PDE4D: variants seen among roughly 807,000 people sequenced by gnomAD.
PDE4D encodes the protein phosphodiesterase 4D.
Under a neutral mutation model 87.4 loss-of-function variants are expected in PDE4D, and 24 were observed. The ratio of observed to expected loss-of-function variants is 0.27; its 90% CI spans 0.20 to 0.39. PDE4D has a LOEUF of 0.39. PDE4D is among the 10% of genes least tolerant of loss of function. The probability of loss-of-function intolerance (pLI) is 1.00; values close to 1 mark genes in which losing one functional copy is unlikely to be tolerated. For synonymous variants in PDE4D, 384 were observed against 383.2 expected (o/e 1.00, Z -0.02); for missense variants, 714 against 1,041.0 (o/e 0.69, Z 4.32).
chr5:60,178,902 T>C (rs555578177), intron 2 of PDE4D, among the ~76,000 whole-genome samples: 137 of 152,278 alleles, frequency 9.0e-4, no homozygotes, highest in Middle Eastern at 3.4e-3. Flanking sequence ...CCATTTGGTA[T>C]ACAGTTCCGT....
At chr5:58,993,831 G>A (rs897556322) in intron 6 of PDE4D, among the ~76,000 whole-genome samples, 1 of 152,066 alleles carries the variant, frequency 6.6e-6, no homozygotes, top group African/African-American at 2.4e-5. Flanking sequence ...GGGAAAATCA[G>A]GAGAAATAAG....
intron 1 of PDE4D, among the ~76,000 whole-genome samples, chr5:59,289,829 G>A (rs2153554530): frequency 6.6e-6 from 1 of 152,056 alleles, no homozygotes; most frequent in East Asian, 1.9e-4. Context: ...ATTCAGCAAA[G>A]TTGTAGGATA....
chr5:60,082,429 T>G (rs143665672), intron 2 of PDE4D, among the ~76,000 whole-genome samples: 2 of 152,298 alleles, frequency 1.3e-5, no homozygotes, highest in East Asian at 3.9e-4. Flanking sequence ...AGATAAATGT[T>G]TGTTGCTTAA....
At chr5:59,792,455 A>T (rs1344319674) in intron 1 of PDE4D, among the ~76,000 whole-genome samples, 1 of 107,998 alleles carries the variant, frequency 9.3e-6, no homozygotes, top group East Asian at 2.2e-4. Context: ...GGAAGTGGGC[A>T]TGGAGTGAAG....
At position 59,370,605 on chromosome 5, in the gene PDE4D, G is replaced by A. The variant is rs533363231; in HGVS notation, c.456-154637C>T. The stretch of plus-strand genomic sequence containing the variant: ...TTACTCTGCACTAATTTTTTTCATA[G>A]AACTAACCATCACGACACACATTTT... On this transcript the variant is annotated intron_variant, in intron 1 of 14. Coordinates refer to ENST00000340635, the MANE Select transcript of PDE4D (RefSeq NM_001104631.2). Among the ~76,000 whole-genome samples the A allele has an allele frequency of 2.0e-5, 3 of 151,972 alleles. No homozygotes were observed. In the South Asian group the frequency reaches 6.2e-4, roughly 32 times the overall value.
intron 2 of PDE4D, among the ~76,000 whole-genome samples, chr5:59,215,159 C>T (rs1750951191): frequency 6.6e-6 from 1 of 152,136 alleles, no homozygotes; most frequent in African/African-American, 2.4e-5. Context: ...ATCTGCAAAC[C>T]TGCTTGTCAG....
chr5:59,508,547 A>G (rs1029851815), intron 1 of PDE4D, among the ~76,000 whole-genome samples: 13 of 152,162 alleles, frequency 8.5e-5, no homozygotes, highest in African/African-American at 1.2e-4. Context: ...TATGTAAAAA[A>G]ATATAGAAAA....
intron 1 of PDE4D, among the ~76,000 whole-genome samples, chr5:59,575,230 A>T (rs1822937469): frequency 6.6e-6 from 1 of 152,196 alleles, no homozygotes; most frequent in Non-Finnish European, 1.5e-5. Flanking sequence ...GAAGAGCCAC[A>T]CGTAGAGGCT....
chr5:59,914,536 ATGTGTGTG>A (rs34257506), intron 3 of PDE4D, among the ~76,000 whole-genome samples: 16 of 145,424 alleles, frequency 1.1e-4, no homozygotes, highest in East Asian at 8.4e-4. Flanking sequence ...AGGAAGATGT[ATGTGTGTG>A]TGTGTGTGTG....
At chr5:60,236,028 T>G (rs1216204038) in intron 1 of PDE4D, among the ~76,000 whole-genome samples, 2 of 151,892 alleles carry the variant, frequency 1.3e-5, no homozygotes, top group African/African-American at 2.4e-5. Context: ...GAGCAATGCA[T>G]ACAGACATTC....
At position 59,732,089 on chromosome 5, in the gene PDE4D, T is replaced by C. The variant is rs1041540881; in HGVS notation, c.455+161079A>G. Among the ~76,000 whole-genome samples the C allele has an allele frequency of 3.2e-4, 49 of 152,192 alleles. 1 individual carries two copies. The highest frequency in any genetic ancestry group is 1.1e-3 in the African/African-American group (47 of 41,440). ...ATAGATCACTGCTGCGCAAACATCA[T>C]TGCAGTTCCTAATGAAAAAGCAAAT... On this transcript the variant is annotated intron_variant, in intron 1 of 14. Transcript: ENST00000340635.
chr5:59,586,457 T>C (rs749075765), intron 1 of PDE4D: 196 of 1,545,554 alleles, frequency 1.3e-4, no homozygotes, highest in Non-Finnish European at 1.7e-4. Flanking sequence ...TCCAACTCTC[T>C]TGTTTGAGCA....
At chr5:60,415,767 A>G (rs1742470650) in intron 1 of PDE4D, among the ~76,000 whole-genome samples, 1 of 152,232 alleles carries the variant, frequency 6.6e-6, no homozygotes, top group Admixed American at 6.5e-5. Flanking sequence ...CAGGGCGCCC[A>G]GTCCCATCCA....
chr5:59,292,710 G>T (rs563801037), intron 1 of PDE4D, among the ~76,000 whole-genome samples: 1 of 152,128 alleles, frequency 6.6e-6, no homozygotes, highest in African/African-American at 2.4e-5. Context: ...TCCTCATTTT[G>T]CAGTTTTCTG....
intron 1 of PDE4D, among the ~76,000 whole-genome samples, chr5:59,505,714 A>G (rs1809140192): frequency 6.6e-6 from 1 of 152,188 alleles, no homozygotes; most frequent in South Asian, 2.1e-4. Context: ...CTCATATTCA[A>G]TGTCTATATT....
In PDE4D at chr5:59,592,682, AT is replaced by A. The variant is rs534946494; in HGVS notation, c.455+300485del. On this transcript the variant is annotated intron_variant, in intron 1 of 14. Transcript: ENST00000340635. ...GAATGCTTGTTAAATTTTACTTTTA[AT>A]TTTTTTTTTGGAAGTAGAAGACTTA... Among the ~76,000 whole-genome samples the A allele has an allele frequency of 4.8e-4, 72 of 150,040 alleles. No individual in the cohort carries two copies. The Middle Eastern group carries it at 0.01, about 22-fold the overall frequency.
intron 5 of PDE4D, among the ~76,000 whole-genome samples, chr5:59,128,729 A>C (rs1029997028): frequency 1.3e-4 from 20 of 152,230 alleles, no homozygotes; most frequent in African/African-American, 4.8e-4. Context: ...TCTCTTGAAG[A>C]TTGCTGAGTG....
At chr5:59,717,395 TACAACA>T (rs1037071904) in intron 1 of PDE4D, among the ~76,000 whole-genome samples, 3 of 152,182 alleles carry the variant, frequency 2.0e-5, no homozygotes, top group Non-Finnish European at 4.4e-5. Context: ...TACCATCTCA[TACAACA>T]ACTCACTGTA....
At chr5:60,359,391 G>T (rs1469565328) in intron 1 of PDE4D, among the ~76,000 whole-genome samples, 2 of 152,330 alleles carry the variant, frequency 1.3e-5, no homozygotes, top group African/African-American at 4.8e-5. Flanking sequence ...CTAGGTGTCA[G>T]AGTGAGACCC....
Sources: allele counts gnomAD v4.1 joint callset (sites outside exome capture counted in the v4.1 genomes callset), GRCh38; gene constraint gnomAD v4.1.1; transcripts MANE v1.5; gene names NCBI Gene and HGNC (gene_info 2026-07-23, HGNC 2026-07-21).